Variants in SNX25 observed in about 807,000 individuals in gnomAD.
The protein encoded by SNX25 is sorting nexin-25.
Under a neutral mutation model 113.7 loss-of-function variants are expected in SNX25, and 62 were observed. That is an observed-to-expected ratio of 0.55 (90% CI 0.44 to 0.67). The LOEUF is 0.67. Among genes scored for constraint, SNX25 ranks in the 30% least tolerant of loss-of-function variants. The pLI is 0.00. For synonymous variants in SNX25, 421 were observed against 436.2 expected (o/e 0.97, Z 0.43); for missense variants, 1,014 against 1,161.0 (o/e 0.87, Z 1.84).
chr4:185,361,931 C>CATTT lies in SNX25; in HGVS notation c.2659_2660insATTT (p.Arg887HisfsTer11). On this transcript the variant is annotated frameshift_variant, in exon 17 of 19. Transcript: ENST00000652585. LOFTEE classifies it high-confidence loss of function. ...ATCTTTTTCTCTTAAAAGACAAATC[C>CATTT]GGGACACAGTCAGCTGGATTTTCAG... is the stretch of plus-strand genomic sequence containing the variant. The CATTT allele has an allele frequency of 6.2e-7, 1 of 1,613,190 alleles. No homozygotes were observed. Among genetic ancestry groups the CATTT allele is most frequent in the Non-Finnish European group, 8.5e-7 (1 of 1,179,538 alleles).
intron 6 of SNX25, among the ~76,000 whole-genome samples, chr4:185,303,883 C>G (rs1754081204): frequency 1.3e-5 from 2 of 152,078 alleles, no homozygotes; most frequent in South Asian, 2.1e-4. Flanking sequence ...AAGAGAAGCC[C>G]ATTTGTTCTT....
At chr4:185,269,386 C>T (rs1748595372) in intron 5 of SNX25, among the ~76,000 whole-genome samples, 2 of 152,168 alleles carry the variant, frequency 1.3e-5, no homozygotes, top group Admixed American at 1.3e-4. Flanking sequence ...GACAAGGTGA[C>T]ATGATGACTA....
At chr4:185,316,926 CTA>C (rs2095079004) in intron 7 of SNX25, among the ~76,000 whole-genome samples, 2 of 152,162 alleles carry the variant, frequency 1.3e-5, no homozygotes, top group African/African-American at 4.8e-5. Context: ...AGTAAACTAA[CTA>C]AATATTATTG....
intron 1 of SNX25, among the ~76,000 whole-genome samples, chr4:185,229,763 T>TAA (rs1741551712): frequency 6.6e-6 from 1 of 152,234 alleles, no homozygotes; most frequent in African/African-American, 2.4e-5. Flanking sequence ...AGAATGGGTT[T>TAA]ATTTATCGCC....
chr4:185,316,240 T>C (rs1525789), intron 7 of SNX25, among the ~76,000 whole-genome samples: 3,328 of 152,356 alleles, frequency 0.022, 119 homozygotes, highest in Admixed American at 0.097. Context: ...TGATTAGTTT[T>C]TGTTGTTGTC....
At chr4:185,317,619 C>T (rs1339582570) in intron 7 of SNX25, among the ~76,000 whole-genome samples, 1 of 152,186 alleles carries the variant, frequency 6.6e-6, no homozygotes, top group Non-Finnish European at 1.5e-5. Flanking sequence ...GGCACATATA[C>T]ACCATGGAGT....
chr4:185,378,389 C>T, the SNX25 span: 1 of 1,383,900 alleles, frequency 7.2e-7, no homozygotes, highest in South Asian at 1.7e-5. Context: ...ACCCTCCTCC[C>T]TAGCTGAGAG....
chr4:185,316,606 A>T (rs1263229805), intron 7 of SNX25, among the ~76,000 whole-genome samples: 2 of 152,248 alleles, frequency 1.3e-5, no homozygotes. Context: ...ATAGGAGTAC[A>T]TGGAGTTTGG....
At chr4:185,341,460 C>A (rs1040529469) in intron 11 of SNX25, among the ~76,000 whole-genome samples, 2 of 152,224 alleles carry the variant, frequency 1.3e-5, no homozygotes, top group Non-Finnish European at 2.9e-5. Flanking sequence ...CTGTGTAACA[C>A]ATTTCATGCT....
chr4:185,225,325 C>T (rs897296281), intron 1 of SNX25, among the ~76,000 whole-genome samples: 1 of 152,084 alleles, frequency 6.6e-6, no homozygotes, highest in African/African-American at 2.4e-5. Flanking sequence ...GGGGTTTCAC[C>T]GTGTTAGCCA....
chr4:185,295,842 A>T (rs1042915867), intron 6 of SNX25: 1 of 152,228 alleles, frequency 6.6e-6, no homozygotes, highest in Non-Finnish European at 1.5e-5. Context: ...AATGCCATGT[A>T]GCAGATTGGG....
chr4:185,335,316 TCACACACACACACACACACACACA>T (rs3047486), intron 10 of SNX25, among the ~76,000 whole-genome samples: 32 of 140,898 alleles, frequency 2.3e-4, no homozygotes, highest in Non-Finnish European at 4.6e-5. Context: ...TGAAAAAGTC[TCACACACACACACACACACACACA>T]CACACACACA....
At chr4:185,259,146 T>G in intron 3 of SNX25, 82 bp downstream of exon 3, 1 of 1,210,198 alleles carries the variant, frequency 8.3e-7, no homozygotes, top group South Asian at 1.4e-5. Flanking sequence ...GATAAAACTC[T>G]AGAATATTCT....
chr4:185,264,458 C>G lies in SNX25; in HGVS notation c.752C>G (p.Pro251Arg), dbSNP rs765389996. 1.9e-6 allele frequency: 3 copies of G among 1,613,190 alleles called. No homozygotes were observed. Among genetic ancestry groups the G allele is most frequent in the Non-Finnish European group, 2.5e-6 (3 of 1,179,888 alleles). ...ANARHEEQPR[P>R]FVLHACLRNS... The stretch of plus-strand genomic sequence containing the variant: ...TTTAGACATGAAGAACAGCCAAGAC[C>G]TTTTGTGTTGCACGCATGCTTGAGG... The change falls in exon 4 of 19, where the codon CCT (proline) becomes CGT (arginine). Residue 251 changes from proline (P) to arginine (R), a missense_variant. Pro to Arg is a moderately radical substitution (Grantham distance 103, BLOSUM62 -2). Transcript: ENST00000652585.
chr4:185,372,908 C>G, downstream of SNX25: 1 of 1,613,210 alleles, frequency 6.2e-7, no homozygotes, highest in East Asian at 2.2e-5. Context: ...TAGTAATACT[C>G]CACGAGATTC....
rs114859107 is a variant in SNX25, at chr4:185,262,387, G to A, written c.732-2051G>A. Among the ~76,000 whole-genome samples, 513 of 152,268 alleles carry A rather than the reference G, an allele frequency of 3.4e-3. 8 individuals carry two copies. The highest frequency in any genetic ancestry group is 0.012 in the African/African-American group (490 of 41,544). On this transcript the variant is annotated intron_variant, in intron 3 of 18. Coordinates refer to ENST00000652585, the MANE Select transcript of SNX25 (RefSeq NM_001378034.2). ...TTGCTTTTATACTATTATTTCAATA[G>A]CATCTTTAATTTCATAGTTTTCTTT... is the stretch of plus-strand genomic sequence containing the variant.
chr4:185,221,450 A>G (rs983292164), intron 1 of SNX25, among the ~76,000 whole-genome samples: 1 of 152,098 alleles, frequency 6.6e-6, no homozygotes, highest in African/African-American at 2.4e-5. Flanking sequence ...GTTGGATTAC[A>G]GGGGTGCCTG....
At chr4:185,249,309 T>C (rs1745310219) in intron 2 of SNX25, among the ~76,000 whole-genome samples, 1 of 152,198 alleles carries the variant, frequency 6.6e-6, no homozygotes, top group Admixed American at 6.5e-5. Flanking sequence ...ACATTTGCTG[T>C]TGTTTTGTTC....
chr4:185,302,300 AAG>A (rs60358825), intron 6 of SNX25, among the ~76,000 whole-genome samples: 6,286 of 152,056 alleles, frequency 0.041, 423 homozygotes, highest in African/African-American at 0.14. Context: ...ATCAAACTCA[AAG>A]AGGGGGCTGT....
Sources: gnomAD v4.1 joint callset for allele counts (sites outside exome capture counted in the v4.1 genomes callset) on GRCh38, gnomAD v4.1.1 for gene constraint, MANE v1.5 for transcripts, NCBI Gene and HGNC (gene_info 2026-07-23, HGNC 2026-07-21) for gene names.